The following SAMD12 variants were observed in gnomAD, a reference collection of about 807,000 sequenced individuals.
SAMD12 encodes the protein sterile alpha motif domain-containing protein 12.
SAMD12 carries 9 observed loss-of-function variants against 15.0 expected under a neutral mutation model. The ratio of observed to expected loss-of-function variants is 0.60; its 90% CI spans 0.36 to 1.05. The LOEUF (loss-of-function observed/expected upper bound fraction) is 1.05. Among genes scored for constraint, SAMD12 ranks in the 50% least tolerant of loss-of-function variants. The pLI is 0.01. For missense variants in SAMD12, 230 were observed against 234.2 expected (o/e 0.98, Z 0.12); for synonymous variants, 86 against 90.1 (o/e 0.96, Z 0.25).
intron 2 of SAMD12, among the ~76,000 whole-genome samples, chr8:118,534,588 C>A (rs548093387): frequency 6.6e-6 from 1 of 152,170 alleles, no homozygotes; most frequent in Non-Finnish European, 1.5e-5. Flanking sequence ...ACCAATCAGA[C>A]GTAGATCTTG....
chr8:118,190,704 G>C (rs1819343754), exon 5 of SAMD12: 1 of 152,062 alleles, frequency 6.6e-6, no homozygotes, highest in East Asian at 1.9e-4. Context: ...AAGGGATATT[G>C]GAGGCACAGT....
At chr8:118,568,875 A>G (rs1468065210) in intron 2 of SAMD12, among the ~76,000 whole-genome samples, 1 of 152,228 alleles carries the variant, frequency 6.6e-6, no homozygotes, top group African/African-American at 2.4e-5. Flanking sequence ...TAAATACGCA[A>G]TAGAACAACC....
At chr8:118,481,298 A>T (rs1824120674) in intron 2 of SAMD12, among the ~76,000 whole-genome samples, 2 of 152,150 alleles carry the variant, frequency 1.3e-5, no homozygotes, top group Non-Finnish European at 2.9e-5. Flanking sequence ...ATTTGTTTAC[A>T]GCATATAAAA....
chr8:118,306,271 A>G (rs1245878597), intron 4 of SAMD12, among the ~76,000 whole-genome samples: 2 of 152,214 alleles, frequency 1.3e-5, no homozygotes, highest in East Asian at 1.9e-4. Context: ...CTTAGGCCAT[A>G]GAACCTGTGG....
At chr8:118,557,284 A>G (rs181240861) in intron 2 of SAMD12, among the ~76,000 whole-genome samples, 1 of 152,278 alleles carries the variant, frequency 6.6e-6, no homozygotes, top group Non-Finnish European at 1.5e-5. Flanking sequence ...GCCATGTAAG[A>G]CATGCCTCTT....
intron 4 of SAMD12, among the ~76,000 whole-genome samples, chr8:118,320,646 A>G (rs987527002): frequency 7.7e-5 from 9 of 117,374 alleles, no homozygotes; most frequent in African/African-American, 2.8e-4. Context: ...GAAGGGGAAC[A>G]TCACACACCG....
intron 4 of SAMD12, among the ~76,000 whole-genome samples, chr8:118,270,987 A>C (rs1813342400): frequency 6.6e-6 from 1 of 152,192 alleles, no homozygotes; most frequent in Admixed American, 6.5e-5. Context: ...TCCAAGTTTA[A>C]ACCAAATGGA....
intron 3 of SAMD12, among the ~76,000 whole-genome samples, chr8:118,413,079 G>A (rs1472994715): frequency 6.6e-6 from 1 of 152,126 alleles, no homozygotes; most frequent in Non-Finnish European, 1.5e-5. Context: ...GACCCCAATT[G>A]TTCCCAACAT....
At chr8:118,381,611 G>A (rs1819674145) in intron 3 of SAMD12, among the ~76,000 whole-genome samples, 1 of 152,176 alleles carries the variant, frequency 6.6e-6, no homozygotes, top group Admixed American at 6.5e-5. Flanking sequence ...TGTGACAATG[G>A]ATGCAGAGGT....
At chr8:118,368,471 T>C (rs921406024) in intron 4 of SAMD12, among the ~76,000 whole-genome samples, 1 of 152,132 alleles carries the variant, frequency 6.6e-6, no homozygotes, top group African/African-American at 2.4e-5. Context: ...AAATATTAGA[T>C]GAAACCACTC....
chr8:118,209,881 A>G (rs892885028), intron 4 of SAMD12, among the ~76,000 whole-genome samples: 1 of 152,184 alleles, frequency 6.6e-6, no homozygotes, highest in African/African-American at 2.4e-5. Context: ...CCTGTGGCCA[A>G]TACCCTGGAG....
chr8:118,360,205 C>G (rs1046883701), intron 4 of SAMD12, among the ~76,000 whole-genome samples: 7 of 152,140 alleles, frequency 4.6e-5, no homozygotes, highest in African/African-American at 9.7e-5. Context: ...TCCCTGGAGT[C>G]TAAGTAATAA....
intron 2 of SAMD12, among the ~76,000 whole-genome samples, chr8:118,572,182 G>T (rs1323835185): frequency 6.6e-6 from 1 of 152,196 alleles, no homozygotes; most frequent in Non-Finnish European, 1.5e-5. Flanking sequence ...CTTGCTTGGG[G>T]CCTGTAGCTT....
chr8:118,559,561 G>A (rs938892953), intron 2 of SAMD12, among the ~76,000 whole-genome samples: 2 of 152,198 alleles, frequency 1.3e-5, no homozygotes, highest in African/African-American at 4.8e-5. Context: ...TGAACTTGTA[G>A]TGGGAGGGCT....
intron 4 of SAMD12, among the ~76,000 whole-genome samples, chr8:118,213,128 A>G (rs1019975442): frequency 8.5e-5 from 13 of 152,242 alleles, no homozygotes; most frequent in Non-Finnish European, 1.0e-4. Context: ...AATAAAAACC[A>G]TGAATGATCT....
chr8:118,406,349 C>A (rs1402059744), intron 3 of SAMD12, among the ~76,000 whole-genome samples: 2 of 152,124 alleles, frequency 1.3e-5, no homozygotes, highest in African/African-American at 4.8e-5. Context: ...TCTCGCCTCA[C>A]TGCAACTTCT....
At chr8:118,416,908 G>T (rs1360145494) in intron 3 of SAMD12, among the ~76,000 whole-genome samples, 1 of 151,346 alleles carries the variant, frequency 6.6e-6, no homozygotes, top group African/African-American at 2.4e-5. Flanking sequence ...ATTCCAGAGG[G>T]TTTTTTTTTC....
intron 4 of SAMD12, among the ~76,000 whole-genome samples, chr8:118,333,891 ATATG>A (rs1357571259): frequency 1.6e-5 from 1 of 62,944 alleles, no homozygotes; most frequent in Non-Finnish European, 3.0e-5. Flanking sequence ...TTGGTGGGGG[ATATG>A]TGTGTGTGTG....
At chr8:118,543,987 C>A (rs893895880) in intron 2 of SAMD12, among the ~76,000 whole-genome samples, 1 of 152,120 alleles carries the variant, frequency 6.6e-6, no homozygotes, top group Non-Finnish European at 1.5e-5. Flanking sequence ...TCTTTTGGCT[C>A]TCTCTGCATA....
Sources: gnomAD v4.1 joint callset for allele counts (sites outside exome capture counted in the v4.1 genomes callset) on GRCh38, gnomAD v4.1.1 for gene constraint, MANE v1.5 for transcripts, NCBI Gene and HGNC (gene_info 2026-07-23, HGNC 2026-07-21) for gene names.